CNTNAP3B: variants seen among roughly 807,000 people sequenced by gnomAD.
CNTNAP3B encodes contactin associated protein family member 3B.
Under a neutral mutation model 108.9 loss-of-function variants are expected in CNTNAP3B, and 25 were observed. The ratio of observed to expected loss-of-function variants is 0.23; its 90% CI spans 0.17 to 0.32. The LOEUF (loss-of-function observed/expected upper bound fraction) is 0.32. Among genes scored for constraint, CNTNAP3B ranks in the 10% least tolerant of loss-of-function variants. The probability of loss-of-function intolerance (pLI) is 1.00; values close to 1 mark genes in which losing one functional copy is unlikely to be tolerated. For synonymous variants in CNTNAP3B, 103 were observed against 473.4 expected (o/e 0.22, Z 10.16); for missense variants, 252 against 1,210.4 (o/e 0.21, Z 11.75).
chr9:41,972,657 T>G (rs1825442705), intron 9 of CNTNAP3B, among the ~76,000 whole-genome samples: 1 of 136,396 alleles, frequency 7.3e-6, no homozygotes, highest in African/African-American at 2.9e-5. Flanking sequence ...TAACACCATA[T>G]TTGTTTAAAA....
chr9:42,097,534 CT>C (rs1258360965), intron 2 of CNTNAP3B, among the ~76,000 whole-genome samples: 1 of 139,832 alleles, frequency 7.2e-6, no homozygotes, highest in Non-Finnish European at 1.5e-5. Flanking sequence ...AAAGCAGGAA[CT>C]TTCCAAAATT....
intron 2 of CNTNAP3B, among the ~76,000 whole-genome samples, chr9:42,097,289 T>A (rs1340399445): frequency 1.4e-5 from 2 of 140,216 alleles, no homozygotes; most frequent in East Asian, 4.3e-4. Context: ...GATGAGTGCG[T>A]CCAAGTTAGT....
chr9:41,972,866 T>C (rs1825446209), intron 9 of CNTNAP3B, among the ~76,000 whole-genome samples: 1 of 135,352 alleles, frequency 7.4e-6, no homozygotes, highest in African/African-American at 2.9e-5. Context: ...TAATGAATTA[T>C]AGGAATATCA....
intron 18 of CNTNAP3B, among the ~76,000 whole-genome samples, chr9:41,917,035 C>T (rs1315986439): frequency 1.3e-5 from 2 of 152,378 alleles, no homozygotes; most frequent in East Asian, 3.9e-4. Flanking sequence ...TTTGTGTCAT[C>T]TGTATTTCAC....
rs1176569628 is a variant in CNTNAP3B, at chr9:42,109,149, T to G, written c.86-4410A>C. Among the ~76,000 whole-genome samples, 20 of 139,218 alleles carry G rather than the reference T, an allele frequency of 1.4e-4. 2 individuals are homozygous for G. The highest frequency in any genetic ancestry group is 5.4e-4 in the African/African-American group (19 of 35,092). The allele number at this position is 139,218 out of a possible 152,430, so 91.3% of individuals were successfully genotyped here. On this transcript the variant is annotated intron_variant, in intron 1 of 23. Coordinates refer to ENST00000377561, the MANE Select transcript of CNTNAP3B (RefSeq NM_001201380.3). ...TTGAGCACCTACCATGTTCAAAGCA[T>G]TATGGGGCATAAAGAGAGACATGGT...
intron 3 of CNTNAP3B, among the ~76,000 whole-genome samples, chr9:42,028,927 A>T (rs1206352413): frequency 4.1e-4 from 62 of 152,000 alleles, no homozygotes; most frequent in Non-Finnish European, 7.1e-4. Context: ...ATAAATTAAA[A>T]TTTTTTTGGC....
At chr9:42,012,020 C>G (rs1275350983) in intron 4 of CNTNAP3B, among the ~76,000 whole-genome samples, 1 of 98,110 alleles carries the variant, frequency 1.0e-5, no homozygotes, top group African/African-American at 3.9e-5. Flanking sequence ...CACCGCCCAC[C>G]GGCCCTTCCT....
intron 2 of CNTNAP3B, among the ~76,000 whole-genome samples, chr9:42,086,805 T>C (rs1827714598): frequency 9.2e-6 from 1 of 109,150 alleles, no homozygotes; most frequent in Non-Finnish European, 1.9e-5. Context: ...TGCTAGGTTA[T>C]ATGGTAAGTA....
At position 42,100,253 on chromosome 9, in the gene CNTNAP3B, A is replaced by T. The variant is rs1346874646; in HGVS notation, c.196+4376T>A. ...GGTGGAAAACTCAAGTGGGGAGGGA[A>T]ATCCTAAAACTCACTAGGTGACACA... On this transcript the variant is annotated intron_variant, in intron 2 of 23. Coordinates refer to ENST00000377561, the MANE Select transcript of CNTNAP3B (RefSeq NM_001201380.3). Among the ~76,000 whole-genome samples, 2 of 80,542 alleles carry T rather than the reference A, an allele frequency of 2.5e-5. 1 individual carries two copies. Among genetic ancestry groups the T allele is most frequent in the Non-Finnish European group, 5.2e-5 (2 of 38,326 alleles). 52.8% of individuals were successfully genotyped at this position (80,542 alleles called of 152,430 possible).
chr9:42,070,478 G>T (rs1449692774), intron 3 of CNTNAP3B, among the ~76,000 whole-genome samples: 2 of 145,290 alleles, frequency 1.4e-5, no homozygotes, highest in African/African-American at 2.6e-5. Flanking sequence ...GTGTCCTGCA[G>T]ACCTGCTCTT....
chr9:41,973,829 T>C (rs1825475134), intron 9 of CNTNAP3B, among the ~76,000 whole-genome samples: 2 of 132,296 alleles, frequency 1.5e-5, no homozygotes, highest in African/African-American at 3.1e-5. Context: ...ATCTGCAAAT[T>C]AGACTTTCTC....
At chr9:42,035,671 T>C (rs1450280096) in intron 3 of CNTNAP3B, among the ~76,000 whole-genome samples, 2 of 150,874 alleles carry the variant, frequency 1.3e-5, no homozygotes, top group Non-Finnish European at 2.9e-5. Flanking sequence ...TTTTTTATTG[T>C]TTTAGAGACA....
chr9:42,088,946 G>T (rs62558902), intron 2 of CNTNAP3B, among the ~76,000 whole-genome samples: 45,181 of 127,024 alleles, frequency 0.36, 7,970 homozygotes, highest in East Asian at 0.57. Flanking sequence ...ACCAGGCGTG[G>T]TGGCTCACAC....
intron 13 of CNTNAP3B, among the ~76,000 whole-genome samples, chr9:41,944,049 T>A (rs1824449487): frequency 6.6e-6 from 1 of 151,676 alleles, no homozygotes; most frequent in Non-Finnish European, 1.5e-5. Context: ...ATATTTAAAC[T>A]GTTGAGAGAA....
chr9:41,933,383 C>A (rs919346525), intron 14 of CNTNAP3B, among the ~76,000 whole-genome samples: 2,926 of 151,248 alleles, frequency 0.019, 7 homozygotes, highest in African/African-American at 0.068. Context: ...CGATTGAGAA[C>A]TACTGCTTTA....
At chr9:41,916,290 A>G (rs1450258148) in intron 18 of CNTNAP3B, among the ~76,000 whole-genome samples, 250 of 148,172 alleles carry the variant, frequency 1.7e-3, no homozygotes, top group African/African-American at 6.1e-3. Context: ...AAATATATAC[A>G]TTATATATTT....
chr9:41,919,686 G>C (rs1823616080), intron 18 of CNTNAP3B, among the ~76,000 whole-genome samples: 2 of 152,088 alleles, frequency 1.3e-5, no homozygotes, highest in South Asian at 4.1e-4. Context: ...GTCCGGCCTG[G>C]GCAACAGAGA....
rs1477663024 is a variant in CNTNAP3B at position 42,119,529 on chromosome 9, C to T, written c.85+9481G>A. Reference sequence around the variant, plus strand: ...AAGAGCCCGCATTGCCAAGTCAATCCTAAGCCAAAAGAACAAAGCTGGAGG... The same window carrying T: ...AAGAGCCCGCATTGCCAAGTCAATCTTAAGCCAAAAGAACAAAGCTGGAGG... On this transcript the variant is annotated intron_variant, in intron 1 of 23. Coordinates refer to ENST00000377561, the MANE Select transcript of CNTNAP3B (RefSeq NM_001201380.3). 2.4e-5 allele frequency among the ~76,000 whole-genome samples: 3 copies of T among 125,508 alleles called. 1 individual carries two copies. The highest frequency in any genetic ancestry group is 6.5e-5 in the African/African-American group (2 of 30,690). The allele number at this position is 125,508 out of a possible 152,430, so 82.3% of individuals were successfully genotyped here.
intron 3 of CNTNAP3B, among the ~76,000 whole-genome samples, chr9:42,037,216 GAGA>G (rs554159929): frequency 1.5e-3 from 222 of 146,982 alleles, no homozygotes; most frequent in Non-Finnish European, 2.4e-3. Flanking sequence ...GATGAGTTGA[GAGA>G]AGAAGGTTTC....
Sources: gnomAD v4.1 joint callset for allele counts (sites outside exome capture counted in the v4.1 genomes callset) on GRCh38, gnomAD v4.1.1 for gene constraint, MANE v1.5 for transcripts, NCBI Gene and HGNC (gene_info 2026-07-23, HGNC 2026-07-21) for gene names.